Variants in PPP1R12B observed in about 807,000 individuals in gnomAD.
The protein encoded by PPP1R12B is protein phosphatase 1 regulatory subunit 12B, also known as myosin phosphatase target subunit 2.
PPP1R12B carries 76 observed loss-of-function variants against 126.1 expected under a neutral mutation model. The observed-to-expected ratio is 0.60, with a 90% CI of 0.50 to 0.73. The LOEUF is 0.73. Among genes scored for constraint, PPP1R12B ranks in the 30% least tolerant of loss-of-function variants. The probability of loss-of-function intolerance (pLI) is 0.00; values close to 1 mark genes in which losing one functional copy is unlikely to be tolerated. For synonymous variants in PPP1R12B, 356 were observed against 434.7 expected, an observed-to-expected ratio of 0.82 and a Z score of 2.25; for missense variants, 1,052 against 1,205.1, an observed-to-expected ratio of 0.87 and a Z score of 1.88.
At chr1:202,496,570 T>A (rs996813303) in intron 17 of PPP1R12B, among the ~76,000 whole-genome samples, 1 of 152,240 alleles carries the variant, frequency 6.6e-6, no homozygotes, top group Non-Finnish European at 1.5e-5. Context: ...CAACTGTGGT[T>A]GATTTGACTT....
intron 13 of PPP1R12B, among the ~76,000 whole-genome samples, chr1:202,470,375 A>G (rs1675686463): frequency 6.6e-6 from 1 of 152,200 alleles, no homozygotes; most frequent in Admixed American, 6.5e-5. Flanking sequence ...CATCTCTTTT[A>G]TGTATATCTT....
At position 202,437,947 on chromosome 1, in the gene PPP1R12B, A is replaced by G. The variant is rs137862932; in HGVS notation, c.1381A>G (p.Ile461Val). Residue 461 changes from isoleucine (I) to valine (V), a missense_variant, in exon 10 of 24, where the codon ATA becomes GTA. Coordinates refer to ENST00000608999, the MANE Select transcript of PPP1R12B (RefSeq NM_002481.4). ...TGAGGTGGCCAATTCCAGGGAACCT[A>G]TAAGGGACCGAGGCTCTTCCATCTA... is the stretch of plus-strand genomic sequence containing the variant. ...LSEVANSREPIRDRGSSIYRS... is the reference protein window; with the variant it reads ...LSEVANSREPVRDRGSSIYRS... 1.2e-4 allele frequency: 194 copies of G among 1,613,984 alleles called. No homozygotes were observed. The African/African-American group carries it at 1.8e-3, about 15-fold the overall frequency.
Position 202,495,282 on chromosome 1 carries a change from A to G in PPP1R12B, c.2146-11A>G, listed in dbSNP as rs776379240. On this transcript the variant is annotated splice_polypyrimidine_tract_variant and intron_variant, in intron 15 of 23. Transcript: ENST00000608999. ...TGATTTCTAATATCTCATATTGTGG[A>G]TTATTTCCAGCCTATCTGTCATCGC... 3 of 1,536,128 alleles carry G rather than the reference A, an allele frequency of 2.0e-6. No homozygotes were observed. In the East Asian group the frequency reaches 6.7e-5, roughly 35 times the overall value.
chr1:202,544,672 A>C (rs1372305188), intron 18 of PPP1R12B, among the ~76,000 whole-genome samples: 1 of 152,204 alleles, frequency 6.6e-6, no homozygotes, highest in Admixed American at 6.5e-5. Flanking sequence ...TTTCCCATTT[A>C]GTCTGGATTG....
At chr1:202,366,106 C>T (rs955033280) in intron 1 of PPP1R12B, among the ~76,000 whole-genome samples, 3 of 152,172 alleles carry the variant, frequency 2.0e-5, no homozygotes, top group African/African-American at 7.2e-5. Context: ...TGCACCTACT[C>T]AGTGTGAAGT....
rs181383065 is a variant in PPP1R12B, at chr1:202,573,994, A to G, written c.2862+4797A>G. 1.9e-3 allele frequency among the ~76,000 whole-genome samples: 283 copies of G among 152,318 alleles called. 3 individuals carry two copies. The highest frequency in any genetic ancestry group is 0.01 in the South Asian group (49 of 4,828). ...GATGCATATAATCTTATAGCAGGTC[A>G]GAGACAGGTTAGCAGTTTTTGGATC... On this transcript the variant is annotated intron_variant, in intron 23 of 23. Transcript: ENST00000608999.
At chr1:202,509,454 A>G (rs1395177099) in intron 18 of PPP1R12B, among the ~76,000 whole-genome samples, 1 of 152,146 alleles carries the variant, frequency 6.6e-6, no homozygotes, top group Admixed American at 6.5e-5. Flanking sequence ...GCGTGTCCCT[A>G]TCTGTTTTTC....
At chr1:202,381,434 G>GTGTGTGTGTGTATGTGTA (rs71142528) in intron 1 of PPP1R12B, among the ~76,000 whole-genome samples, 13 of 131,128 alleles carry the variant, frequency 9.9e-5, no homozygotes, top group African/African-American at 3.9e-4. Context: ...GTGTGTGTGT[G>GTGTGTGTGTGTATGTGTA]TGTATCATCC....
Position 202,449,119 on chromosome 1 carries a change from G to A in PPP1R12B, c.1798G>A (p.Val600Met). ...TGCCAATGGGGTTACAGCTACTCCT[G>A]TGCTCTCCATTACTGGAACAGATTC... ...STANGVTATP[V>M]LSITGTDSSV... Residue 600 changes from valine (V) to methionine (M), a missense_variant, in exon 13 of 24, where the codon GTG becomes ATG. Val to Met is a conservative substitution (Grantham distance 21). Coordinates refer to ENST00000608999, the MANE Select transcript of PPP1R12B (RefSeq NM_002481.4). 2 of 1,613,618 alleles carry A rather than the reference G, an allele frequency of 1.2e-6. No individual in the cohort carries two copies. The highest frequency in any genetic ancestry group is 2.2e-5 in the East Asian group (1 of 44,870).
chr1:202,383,875 C>T (rs1477239921), intron 1 of PPP1R12B, among the ~76,000 whole-genome samples: 2 of 152,020 alleles, frequency 1.3e-5, no homozygotes, highest in Admixed American at 1.3e-4. Flanking sequence ...TATGATTATA[C>T]CAAAATTTAT....
intron 7 of PPP1R12B, among the ~76,000 whole-genome samples, 199 bp downstream of exon 7, chr1:202,431,009 T>G (rs1365512508): frequency 1.3e-5 from 2 of 152,228 alleles, no homozygotes; most frequent in Non-Finnish European, 2.9e-5. Context: ...GATGGTTGAC[T>G]GTGTTTTAAA....
chr1:202,509,824 G>T (rs12081034), intron 18 of PPP1R12B, among the ~76,000 whole-genome samples: 4,849 of 152,232 alleles, frequency 0.032, 268 homozygotes, highest in African/African-American at 0.11. Flanking sequence ...CCCTGTGCTT[G>T]CTTGAAATGA....
chr1:202,449,390 C>T (rs562141928), intron 13 of PPP1R12B, among the ~76,000 whole-genome samples: 1 of 151,896 alleles, frequency 6.6e-6, no homozygotes, highest in Admixed American at 6.6e-5. Context: ...ATTCTCCTGC[C>T]TCAGCCTCCC....
At chr1:202,530,177 G>A (rs1683783909) in intron 18 of PPP1R12B, among the ~76,000 whole-genome samples, 1 of 152,026 alleles carries the variant, frequency 6.6e-6, no homozygotes, top group Non-Finnish European at 1.5e-5. Context: ...GCATTTGGCA[G>A]GGTAATTCTT....
chr1:202,443,175 T>G, intron 12 of PPP1R12B: 1 of 936,904 alleles, frequency 1.1e-6, no homozygotes, highest in Non-Finnish European at 1.3e-6. Context: ...TTTCTGCAAT[T>G]ATTTTCTTTG....
intron 17 of PPP1R12B, 28 bp from the exon 18 acceptor site, chr1:202,496,753 C>T (rs376005120): frequency 7.4e-5 from 119 of 1,599,094 alleles, no homozygotes; most frequent in Middle Eastern, 3.3e-4. Context: ...CAATGAGCCT[C>T]TTGATTTTCT....
chr1:202,391,159 TTAA>T (rs1192051861), intron 1 of PPP1R12B, among the ~76,000 whole-genome samples: 1 of 151,938 alleles, frequency 6.6e-6, no homozygotes, highest in South Asian at 2.1e-4. Flanking sequence ...ATAAAGAACT[TTAA>T]TAATAAATAA....
intron 15 of PPP1R12B, among the ~76,000 whole-genome samples, chr1:202,494,584 A>T (rs899778925): frequency 1.1e-4 from 7 of 65,162 alleles, no homozygotes; most frequent in South Asian, 5.6e-4. Flanking sequence ...CTCAGGTTTA[A>T]AAAAAAAAAA....
chr1:202,535,922 ATCTCTGTT>A (rs1684482683), intron 18 of PPP1R12B, among the ~76,000 whole-genome samples: 1 of 152,248 alleles, frequency 6.6e-6, no homozygotes, highest in Non-Finnish European at 1.5e-5. Flanking sequence ...TGGAGAATTT[ATCTCTGTT>A]TCTCTGTATA....
Sources: gnomAD v4.1 joint callset for allele counts (sites outside exome capture counted in the v4.1 genomes callset) on GRCh38, gnomAD v4.1.1 for gene constraint, MANE v1.5 for transcripts, NCBI Gene and HGNC (gene_info 2026-07-23, HGNC 2026-07-21) for gene names.